ANKS3: variants seen among roughly 807,000 people sequenced by gnomAD.
ANKS3 encodes the protein ankyrin repeat and sterile alpha motif domain containing 3.
In ANKS3, 62 loss-of-function variants were observed where a neutral mutation model predicts 80.7. That is an observed-to-expected ratio of 0.77 (90% CI 0.63 to 0.95). ANKS3 has a LOEUF of 0.95. ANKS3 is among the 40% of genes least tolerant of loss of function. ANKS3 has a pLI of 0.00. For missense variants in ANKS3, 1,150 were observed against 883.6 expected (o/e 1.30, Z -3.82); for synonymous variants, 489 against 355.3 (o/e 1.38, Z -4.23).
In ANKS3 at chr16:4,719,742, T is replaced by C. The variant is rs144744211; in HGVS notation, c.573+5008A>G. On this transcript the variant is annotated intron_variant, in intron 6 of 17. Transcript: ENST00000304283. ...TCAGCCCAGGAGGTTGAGACTACAATGACCCATGATCAGGCCACTGCACTC... is the reference window on the plus strand; with the variant it reads ...TCAGCCCAGGAGGTTGAGACTACAACGACCCATGATCAGGCCACTGCACTC... Among the ~76,000 whole-genome samples the C allele has an allele frequency of 2.9e-3, 441 of 152,066 alleles. 3 individuals are homozygous for C. The highest frequency in any genetic ancestry group is 0.01 in the African/African-American group (427 of 41,458).
intron 7 of ANKS3, among the ~76,000 whole-genome samples, chr16:4,713,212 G>A (rs1385745098): frequency 6.6e-6 from 1 of 152,070 alleles, no homozygotes; most frequent in East Asian, 1.9e-4. Flanking sequence ...AGGTTGCGGT[G>A]AGGCAAGATC....
chr16:4,711,912 G>C (rs919786227), intron 7 of ANKS3, among the ~76,000 whole-genome samples: 2 of 152,104 alleles, frequency 1.3e-5, no homozygotes, highest in African/African-American at 4.8e-5. Flanking sequence ...CTCACAGAAA[G>C]AGACCAGATG....
intron 9 of ANKS3, 40 bp from the exon 10 acceptor site, chr16:4,701,583 C>A (rs781486473): frequency 5.8e-6 from 9 of 1,560,958 alleles, no homozygotes; most frequent in Non-Finnish European, 7.8e-6. Flanking sequence ...GCAGCCCTCA[C>A]CGAGGTGCTG....
At chr16:4,713,959 C>T (rs1373021786) in intron 7 of ANKS3, 92 bp downstream of exon 7, 10 of 1,518,038 alleles carry the variant, frequency 6.6e-6, no homozygotes, top group African/African-American at 1.4e-5. Context: ...AGGTGGGAGC[C>T]GGGGAAGCGG....
At chr16:4,708,635 T>G (rs994977835) in intron 7 of ANKS3, among the ~76,000 whole-genome samples, 5 of 152,092 alleles carry the variant, frequency 3.3e-5, no homozygotes, top group Non-Finnish European at 7.4e-5. Context: ...AGTATTTAAC[T>G]TAAGAAAAAA....
chr16:4,726,125 G>A (rs859300), intron 5 of ANKS3, among the ~76,000 whole-genome samples: 85,479 of 151,348 alleles, frequency 0.56, 24,307 homozygotes, highest in East Asian at 0.67. Context: ...ACAGGCGCCC[G>A]TCACCATGCC....
chr16:4,702,455 G>A (rs563652874), intron 8 of ANKS3, among the ~76,000 whole-genome samples: 1 of 152,332 alleles, frequency 6.6e-6, no homozygotes, highest in East Asian at 1.9e-4. Flanking sequence ...GGCGAGGGCT[G>A]GCAGCCAGGT....
chr16:4,732,700 A>C (rs1029154184), intron 1 of ANKS3, among the ~76,000 whole-genome samples: 1 of 150,982 alleles, frequency 6.6e-6, no homozygotes, highest in African/African-American at 2.4e-5. Context: ...CAAAAAAAAA[A>C]CACTAAAGTG....
At chr16:4,706,425 C>CG (rs1375888662) in intron 7 of ANKS3, among the ~76,000 whole-genome samples, 1 of 151,904 alleles carries the variant, frequency 6.6e-6, no homozygotes, top group East Asian at 1.9e-4. Context: ...TTAGTAGAGA[C>CG]GGGGTTTCAC....
intron 8 of ANKS3, 138 bp downstream of exon 8, chr16:4,704,957 A>C: frequency 8.7e-7 from 1 of 1,145,762 alleles, no homozygotes. Flanking sequence ...CCTGAGCATG[A>C]AAGCTGGGCC....
intron 8 of ANKS3, among the ~76,000 whole-genome samples, chr16:4,703,623 G>A (rs2404282): frequency 0.4 from 59,841 of 151,354 alleles, 14,180 homozygotes; most frequent in East Asian, 0.64. Context: ...ATTTCACCAT[G>A]TTGGCCAGGA....
At chr16:4,731,143 C>G (rs1285736833) in intron 2 of ANKS3, among the ~76,000 whole-genome samples, 1 of 152,010 alleles carries the variant, frequency 6.6e-6, no homozygotes, top group Admixed American at 6.6e-5. Context: ...CTGGAAAAGG[C>G]AAAATTAAAG....
chr16:4,700,785 C>T (rs773772036), intron 11 of ANKS3, 185 bp downstream of exon 11: 44 of 828,684 alleles, frequency 5.3e-5, no homozygotes, highest in South Asian at 2.7e-4. Context: ...AGAGTAGAAG[C>T]GCTGCAGCGG....
chr16:4,727,244 G>A, intron 3 of ANKS3, 67 bp from the exon 4 acceptor site: 3 of 1,526,070 alleles, frequency 2.0e-6, no homozygotes, highest in Non-Finnish European at 2.7e-6. Flanking sequence ...CAAAGCTGGT[G>A]GCGAGGCTAG....
chr16:4,715,920 G>A (rs1232921853), intron 6 of ANKS3, among the ~76,000 whole-genome samples: 1 of 152,044 alleles, frequency 6.6e-6, no homozygotes, highest in Non-Finnish European at 1.5e-5. Context: ...ATTCAGCATA[G>A]TGAGAATCAG....
In ANKS3 at chr16:4,714,132, TG is replaced by T. The variant is rs757010299; in HGVS notation, c.627del (p.Lys210SerfsTer6). 1 of 1,614,176 alleles carries T rather than the reference TG, an allele frequency of 6.2e-7. No homozygotes were observed. The highest frequency in any genetic ancestry group is 8.5e-7 in the Non-Finnish European group (1 of 1,180,032). ...DHSGATARMLAKQYGHMKIVA... is the reference protein window; with the variant it reads ...DHSGATARMLXKQYGHMKIVA... ...ACGATCTTCATGTGTCCGTACTGCT[TG>T]GCCAGCATCCGGGCTGTGGCTCCAC... On this transcript the variant is annotated frameshift_variant, in exon 7 of 18. Coordinates refer to ENST00000304283, the MANE Select transcript of ANKS3 (RefSeq NM_133450.4). LOFTEE classifies it high-confidence loss of function.
chr16:4,700,848 G>A, intron 11 of ANKS3, 122 bp downstream of exon 11: 1 of 1,314,866 alleles, frequency 7.6e-7, no homozygotes, highest in Non-Finnish European at 1.1e-6. Context: ...CAGGCCATGG[G>A]GATGCCACCG....
intron 3 of ANKS3, chr16:4,727,703 C>G (rs2081423811): frequency 6.3e-6 from 1 of 159,410 alleles, no homozygotes; most frequent in Admixed American, 5.9e-5. Context: ...AAAGAAGGGA[C>G]TCCACCGTGG....
Position 4,714,201 on chromosome 16 carries a change from G to A in ANKS3, c.574-15C>T. The A allele has an allele frequency of 6.2e-7, 1 of 1,613,668 alleles. No individual in the cohort carries two copies. ...ACCTTGACTCCCTGTGAATGTCCGT[G>A]AAAGGGGGTTAGGGGCCTCTCCTTC... On this transcript the variant is annotated splice_polypyrimidine_tract_variant and intron_variant, in intron 6 of 17. Coordinates refer to ENST00000304283, the MANE Select transcript of ANKS3 (RefSeq NM_133450.4).
Sources: allele counts gnomAD v4.1 joint callset (sites outside exome capture counted in the v4.1 genomes callset), GRCh38; gene constraint gnomAD v4.1.1; transcripts MANE v1.5; gene names NCBI Gene and HGNC (gene_info 2026-07-23, HGNC 2026-07-21).